Variants in KNTC1 observed in about 807,000 individuals in gnomAD.
KNTC1 encodes kinetochore associated 1.
In KNTC1, 253 loss-of-function variants were observed where a neutral mutation model predicts 314.4. The observed-to-expected ratio is 0.80, with a 90% confidence interval of 0.73 to 0.89. KNTC1 has a LOEUF of 0.89. Ranked by LOEUF, KNTC1 falls within the 40% of genes least tolerant of loss-of-function variation. The probability of loss-of-function intolerance (pLI) is 0.00; values close to 1 mark genes in which losing one functional copy is unlikely to be tolerated. For synonymous variants in KNTC1, 901 were observed against 901.4 expected, an observed-to-expected ratio of 1.00 and a Z score of 0.01; for missense variants, 2,475 against 2,572.9, an observed-to-expected ratio of 0.96 and a Z score of 0.82.
At chr12:122,608,377 A>C (rs1872756490) in intron 51 of KNTC1, among the ~76,000 whole-genome samples, 1 of 152,112 alleles carries the variant, frequency 6.6e-6, no homozygotes, top group African/African-American at 2.4e-5. Flanking sequence ...TGATTCACCC[A>C]CCTCGGCCTC....
Position 122,528,863 on chromosome 12 carries a change from C to T in KNTC1, c.-73-1128C>T, listed in dbSNP as rs577245077. The stretch of plus-strand genomic sequence containing the variant: ...GTATATATATATTTTTTTTCCAAGA[C>T]GGAGTTTCACTCTTGTTGCCCAAGC... On this transcript the variant is annotated intron_variant, in intron 1 of 63. Transcript: ENST00000333479. Among the ~76,000 whole-genome samples the T allele has an allele frequency of 1.0e-4, 14 of 135,220 alleles. No homozygotes were observed. In the East Asian group the frequency reaches 2.5e-3, roughly 24 times the overall value. 88.7% of individuals were successfully genotyped at this position (135,220 alleles called of 152,430 possible).
intron 2 of KNTC1, among the ~76,000 whole-genome samples, chr12:122,531,617 T>C (rs1018946721): frequency 7.0e-6 from 1 of 142,124 alleles, no homozygotes; most frequent in African/African-American, 3.1e-5. Context: ...TTTTTGTCAT[T>C]ATTTATTAGA....
At chr12:122,565,951 TC>T (rs1221744203) in intron 20 of KNTC1, among the ~76,000 whole-genome samples, 2 of 136,598 alleles carry the variant, frequency 1.5e-5, no homozygotes, top group Non-Finnish European at 3.1e-5. Context: ...TACGTTTCAA[TC>T]TTTTTTTTTT....
Position 122,622,477 on chromosome 12 carries a change from T to C in KNTC1, c.6385T>C (p.Leu2129=). Residue 2129 remains leucine, a synonymous_variant, in exon 62 of 64, where the codon TTG becomes CTG. Coordinates refer to ENST00000333479, the MANE Select transcript of KNTC1 (RefSeq NM_014708.6). ...GFSHQIRSLI[L]NNIINKKEFG... is the part of the protein sequence containing the mutation. Reference sequence around the variant, plus strand: ...CATTCTATAGATTAGAAGTCTGATTTTGAATAATATCATCAATAAGAAGGA... The same window carrying C: ...CATTCTATAGATTAGAAGTCTGATTCTGAATAATATCATCAATAAGAAGGA... 1 of 1,579,094 alleles carries C rather than the reference T, an allele frequency of 6.3e-7. No individual in the cohort carries two copies. The highest frequency in any genetic ancestry group is 8.6e-7 in the Non-Finnish European group (1 of 1,159,566).
chr12:122,563,673 A>G (rs922581479), intron 20 of KNTC1: 8 of 882,362 alleles, frequency 9.1e-6, no homozygotes, highest in Middle Eastern at 3.5e-4. Flanking sequence ...CATCTTTTCT[A>G]TCCTATTGAG....
chr12:122,573,584 A>G lies in KNTC1; in HGVS notation c.2283+299A>G, dbSNP rs999453017. ...CAGGAAGTCCTGACGACATGTACCCAAGGTGGTCCGGGCACAGCTTGGTTT... is the reference window on the plus strand; with the variant it reads ...CAGGAAGTCCTGACGACATGTACCCGAGGTGGTCCGGGCACAGCTTGGTTT... On this transcript the variant is annotated intron_variant, in intron 26 of 63. Coordinates refer to ENST00000333479, the MANE Select transcript of KNTC1 (RefSeq NM_014708.6). Among the ~76,000 whole-genome samples the G allele has an allele frequency of 5.3e-5, 8 of 152,282 alleles. No homozygotes were observed. In the Middle Eastern group the frequency reaches 0.017, roughly 324 times the overall value.
chr12:122,538,845 T>G (rs1962059568), intron 4 of KNTC1, among the ~76,000 whole-genome samples: 1 of 152,210 alleles, frequency 6.6e-6, no homozygotes, highest in African/African-American at 2.4e-5. Context: ...CGCCTGTGAA[T>G]TTTGGTCGCA....
chr12:122,546,189 G>C lies in KNTC1; in HGVS notation c.683G>C (p.Cys228Ser). The change falls in exon 9 of 64, where the codon TGT becomes TCT. Residue 228 changes from cysteine to serine, a missense_variant. Coordinates refer to ENST00000333479, the MANE Select transcript of KNTC1 (RefSeq NM_014708.6). Reference sequence around the variant, plus strand: ...TCATTTTTCCAGGGAACCGGTAATTGTGCATTCTCAAAATGGGAACCAGAT... The same window carrying C: ...TCATTTTTCCAGGGAACCGGTAATTCTGCATTCTCAAAATGGGAACCAGAT... ...VPVIIGGTGNCAFSKWEPDSS... is the reference protein window; with the variant it reads ...VPVIIGGTGNSAFSKWEPDSS... The C allele has an allele frequency of 6.2e-7, 1 of 1,606,480 alleles. No homozygotes were observed. Among genetic ancestry groups the C allele is most frequent in the South Asian group, 1.1e-5 (1 of 90,886 alleles).
At chr12:122,615,607 A>G in intron 57 of KNTC1, 81 bp downstream of exon 57, 2 of 1,279,016 alleles carry the variant, frequency 1.6e-6, no homozygotes, top group Non-Finnish European at 2.1e-6. Context: ...ACACTGGATT[A>G]AGCAGTCAGC....
chr12:122,578,826 C>CA (rs1241307963), intron 31 of KNTC1, among the ~76,000 whole-genome samples: 1 of 152,124 alleles, frequency 6.6e-6, no homozygotes, highest in African/African-American at 2.4e-5. Flanking sequence ...TTGTTTTTAA[C>CA]ACCTAATATT....
intron 1 of KNTC1, among the ~76,000 whole-genome samples, chr12:122,529,135 C>T (rs184010332): frequency 8.6e-4 from 131 of 152,176 alleles, no homozygotes; most frequent in East Asian, 8.1e-3. Context: ...TGAGCCACCG[C>T]GCCGGCCTGG....
In KNTC1 at chr12:122,568,387, A is replaced by G. The variant is rs1296287103; in HGVS notation, c.1716+15A>G. The G allele has an allele frequency of 1.4e-6, 2 of 1,417,782 alleles. No homozygotes were observed. The highest frequency in any genetic ancestry group is 2.0e-6 in the Non-Finnish European group (2 of 1,002,010). 87.8% of individuals were successfully genotyped at this position (1,417,782 alleles called of 1,614,324 possible). A position where few individuals can be genotyped will look rare whatever the true frequency, so the allele number is the denominator to read the frequency against. On this transcript the variant is annotated intron_variant, in intron 21 of 63. Transcript: ENST00000333479. ...TTCGACATCGGGTAACATGTTTTACATTTTTTCCTTAACAGCTTTATAGCT... is the reference window on the plus strand; with the variant it reads ...TTCGACATCGGGTAACATGTTTTACGTTTTTTCCTTAACAGCTTTATAGCT...
At chr12:122,529,540 C>T (rs2137628431) in intron 1 of KNTC1, among the ~76,000 whole-genome samples, 1 of 152,212 alleles carries the variant, frequency 6.6e-6, no homozygotes, top group Non-Finnish European at 1.5e-5. Flanking sequence ...TATAATAATA[C>T]TATGATAGCA....
intron 16 of KNTC1, among the ~76,000 whole-genome samples, chr12:122,556,992 A>G (rs1404548517): frequency 2.7e-5 from 4 of 148,416 alleles, no homozygotes; most frequent in African/African-American, 5.0e-5. Context: ...CTGGGCTCAA[A>G]TGGTTGTCCT....
At position 122,569,844 on chromosome 12, in the gene KNTC1, T is replaced by C. The variant is rs1178142342; in HGVS notation, c.1860+20T>C. ...GGACAGGTGAGTTGTCTTCAGTATTTCCACTCTTGATGACTTTATTTCATT... is the reference window on the plus strand; with the variant it reads ...GGACAGGTGAGTTGTCTTCAGTATTCCCACTCTTGATGACTTTATTTCATT... On this transcript the variant is annotated intron_variant, in intron 22 of 63. Coordinates refer to ENST00000333479, the MANE Select transcript of KNTC1 (RefSeq NM_014708.6). 2.5e-6 allele frequency: 4 copies of C among 1,594,468 alleles called. 1 individual carries two copies. Among genetic ancestry groups the C allele is most frequent in the South Asian group, 2.3e-5 (2 of 87,974 alleles).
rs759345660 is a variant in KNTC1, at chr12:122,551,541, T to C, written c.1196+18T>C. 28 of 1,608,060 alleles carry C rather than the reference T, an allele frequency of 1.7e-5. No individual in the cohort carries two copies. The highest frequency in any genetic ancestry group is 2.4e-5 in the Non-Finnish European group (28 of 1,175,666). ...GAAAACAGGTAACTTCTCATTTTTT[T>C]TTAAGCTTTATCCTTTAGTGAATAA... On this transcript the variant is annotated intron_variant, in intron 15 of 63. Coordinates refer to ENST00000333479, the MANE Select transcript of KNTC1 (RefSeq NM_014708.6).
intron 34 of KNTC1, among the ~76,000 whole-genome samples, chr12:122,583,781 G>A (rs540145177): frequency 2.6e-5 from 4 of 151,980 alleles, no homozygotes; most frequent in East Asian, 1.9e-4. Flanking sequence ...AGCCCAGATC[G>A]TGCCATTGCA....
intron 12 of KNTC1, 72 bp from the exon 13 acceptor site, chr12:122,549,694 T>G: frequency 1.3e-6 from 1 of 774,826 alleles, no homozygotes; most frequent in Non-Finnish European, 2.2e-6. Flanking sequence ...CTGCTCTTAA[T>G]TGTGAAGTGC....
chr12:122,538,526 C>A, intron 4 of KNTC1, 72 bp downstream of exon 4: 1 of 823,558 alleles, frequency 1.2e-6, no homozygotes, highest in Non-Finnish European at 1.9e-6. Flanking sequence ...AAAACTCTAG[C>A]AAACTATTAC....
Sources: gnomAD v4.1 joint callset for allele counts (sites outside exome capture counted in the v4.1 genomes callset) on GRCh38, gnomAD v4.1.1 for gene constraint, MANE v1.5 for transcripts, NCBI Gene and HGNC (gene_info 2026-07-23, HGNC 2026-07-21) for gene names.